NPR3: variants seen among roughly 807,000 people sequenced by gnomAD.
The protein encoded by NPR3 is atrial natriuretic peptide receptor 3.
A neutral mutation model predicts 54.5 loss-of-function variants in NPR3; 34 were observed. The ratio of observed to expected loss-of-function variants is 0.62; its 90% CI spans 0.47 to 0.83. The LOEUF is 0.83. Among genes scored for constraint, NPR3 ranks in the 40% least tolerant of loss-of-function variants. The probability of loss-of-function intolerance (pLI) is 0.00; values close to 1 mark genes in which losing one functional copy is unlikely to be tolerated. For synonymous variants in NPR3, 289 were observed against 297.1 expected, an observed-to-expected ratio of 0.97 and a Z score of 0.28; for missense variants, 674 against 720.8, an observed-to-expected ratio of 0.94 and a Z score of 0.74.
intron 3 of NPR3, among the ~76,000 whole-genome samples, chr5:32,758,731 G>T (rs983596784): frequency 2.0e-5 from 3 of 152,014 alleles, no homozygotes; most frequent in Non-Finnish European, 4.4e-5. Context: ...GCTTTCTCTC[G>T]TGGGCTTTCA....
intron 1 of NPR3, among the ~76,000 whole-genome samples, chr5:32,721,292 A>T (rs985144614): frequency 2.0e-5 from 3 of 152,244 alleles, no homozygotes; most frequent in Non-Finnish European, 2.9e-5. Context: ...GATCTAAAAT[A>T]ATCAAAATCT....
At chr5:32,729,036 T>TTTTG (rs1739316326) in intron 2 of NPR3, among the ~76,000 whole-genome samples, 1 of 10,252 alleles carries the variant, frequency 9.8e-5, no homozygotes, top group African/African-American at 1.2e-3. Context: ...TTTTGTTTTG[T>TTTTG]TTTTTTTTTT....
intron 6 of NPR3, among the ~76,000 whole-genome samples, 199 bp from the exon 7 acceptor site, chr5:32,784,597 T>C (rs1742508359): frequency 6.6e-6 from 1 of 152,228 alleles, no homozygotes; most frequent in Non-Finnish European, 1.5e-5. Flanking sequence ...CAAGTGGTTC[T>C]TAAGCTTTGC....
intron 2 of NPR3, 43 bp from the exon 3 acceptor site, chr5:32,738,821 G>A (rs544092823): frequency 6.3e-7 from 1 of 1,580,434 alleles, no homozygotes; most frequent in African/African-American, 1.4e-5. Context: ...GCCTCTTTAT[G>A]GTGGCTGGCT....
intron 3 of NPR3, among the ~76,000 whole-genome samples, chr5:32,760,012 G>A (rs1741072011): frequency 6.6e-6 from 1 of 152,010 alleles, no homozygotes; most frequent in African/African-American, 2.4e-5. Flanking sequence ...TGGGTTACCC[G>A]ACTTTTCTCT....
At chr5:32,771,797 A>G (rs980429356) in intron 3 of NPR3, among the ~76,000 whole-genome samples, 1 of 152,170 alleles carries the variant, frequency 6.6e-6, no homozygotes, top group Admixed American at 6.5e-5. Context: ...TGAGGAGAGC[A>G]ATGAATGCTC....
intron 3 of NPR3, among the ~76,000 whole-genome samples, chr5:32,768,186 G>T (rs781372373): frequency 6.6e-6 from 1 of 152,154 alleles, no homozygotes; most frequent in Admixed American, 6.5e-5. Context: ...GCAGTCTTGT[G>T]GGGGTTGGGT....
upstream of NPR3, chr5:32,710,762 G>A (rs1738167215): frequency 1.3e-6 from 2 of 1,547,860 alleles, no homozygotes; most frequent in African/African-American, 1.4e-5. Context: ...CTTCAGGAGG[G>A]AATGTGGCCA....
chr5:32,728,827 GTGTGTGTGTGTA>G (rs1319243854), intron 2 of NPR3, among the ~76,000 whole-genome samples: 5 of 81,130 alleles, frequency 6.2e-5, no homozygotes, highest in African/African-American at 1.5e-4. Flanking sequence ...GTGTGTGTGT[GTGTGTGTGTGTA>G]TATATATATA....
upstream of NPR3, among the ~76,000 whole-genome samples, chr5:32,705,909 T>C (rs1737972260): frequency 1.3e-5 from 2 of 152,216 alleles, no homozygotes; most frequent in South Asian, 4.1e-4. Flanking sequence ...CCAGATTAGT[T>C]GAAGACAAAA....
At chr5:32,703,118 T>C (rs1176519623) in intron 1 of NPR3, among the ~76,000 whole-genome samples, 1 of 152,164 alleles carries the variant, frequency 6.6e-6, no homozygotes, top group Non-Finnish European at 1.5e-5. Context: ...ACTTCAGGAT[T>C]ATGATGAGTA....
intron 3 of NPR3, among the ~76,000 whole-genome samples, chr5:32,752,599 T>C (rs564098421): frequency 1.3e-5 from 2 of 152,294 alleles, no homozygotes; most frequent in Admixed American, 6.5e-5. Context: ...AATTTGTCCA[T>C]ATAAAAAGGT....
intron 2 of NPR3, among the ~76,000 whole-genome samples, chr5:32,731,893 T>G (rs1739467881): frequency 6.6e-6 from 1 of 152,056 alleles, no homozygotes; most frequent in Admixed American, 6.6e-5. Flanking sequence ...CTTCCTAATG[T>G]CATCAGGAGT....
intron 3 of NPR3, among the ~76,000 whole-genome samples, chr5:32,756,837 C>T (rs1227500916): frequency 1.3e-5 from 2 of 152,142 alleles, no homozygotes; most frequent in Non-Finnish European, 2.9e-5. Context: ...GCCAGTTTTC[C>T]CAGCACCATT....
intron 5 of NPR3, among the ~76,000 whole-genome samples, chr5:32,782,285 T>C (rs1343562412): frequency 6.6e-6 from 1 of 152,046 alleles, no homozygotes; most frequent in African/African-American, 2.4e-5. Context: ...TGTTGAACAA[T>C]TGAGGGCTGT....
intron 1 of NPR3, among the ~76,000 whole-genome samples, chr5:32,713,891 A>G (rs538383459): frequency 1.3e-5 from 2 of 152,364 alleles, no homozygotes; most frequent in Admixed American, 6.5e-5. Flanking sequence ...CTGGAACTCC[A>G]GGCTGTCTGT....
chr5:32,755,155 C>T (rs540295490), intron 3 of NPR3, among the ~76,000 whole-genome samples: 44 of 152,344 alleles, frequency 2.9e-4, no homozygotes, highest in African/African-American at 7.9e-4. Context: ...CCACCGCGCC[C>T]GGCCAAGAGA....
At chr5:32,755,928 T>C (rs1676419404) in intron 3 of NPR3, among the ~76,000 whole-genome samples, 1 of 152,218 alleles carries the variant, frequency 6.6e-6, no homozygotes. Context: ...ACAAAGGACA[T>C]GAACTCATCA....
At chr5:32,736,540 T>C (rs955441511) in intron 2 of NPR3, among the ~76,000 whole-genome samples, 1 of 152,186 alleles carries the variant, frequency 6.6e-6, no homozygotes, top group African/African-American at 2.4e-5. Context: ...TTTGAGTCAA[T>C]TAAAAATGAA....
Sources: allele counts gnomAD v4.1 joint callset (sites outside exome capture counted in the v4.1 genomes callset), GRCh38; gene constraint gnomAD v4.1.1; transcripts MANE v1.5; gene names NCBI Gene and HGNC (gene_info 2026-07-23, HGNC 2026-07-21).